Variants in DDX31 observed in about 807,000 individuals in gnomAD.
DDX31 encodes ATP-dependent DNA helicase DDX31.
In DDX31, 70 loss-of-function variants were observed where a neutral mutation model predicts 91.3. That is an observed-to-expected ratio of 0.77 (90% CI 0.63 to 0.94). The LOEUF (loss-of-function observed/expected upper bound fraction) is 0.94. Ranked by LOEUF, DDX31 falls within the 40% of genes least tolerant of loss-of-function variation. The probability of loss-of-function intolerance (pLI) is 0.00; values close to 1 mark genes in which losing one functional copy is unlikely to be tolerated. For missense variants in DDX31, 902 were observed against 925.0 expected, an observed-to-expected ratio of 0.98 and a Z score of 0.32; for synonymous variants, 362 against 350.6, an observed-to-expected ratio of 1.03 and a Z score of -0.36.
intron 13 of DDX31, among the ~76,000 whole-genome samples, chr9:132,642,386 C>G (rs915319953): frequency 6.6e-6 from 1 of 152,174 alleles, no homozygotes; most frequent in African/African-American, 2.4e-5. Flanking sequence ...GGGCTTCAAG[C>G]CTGCGTGCAA....
intron 16 of DDX31, among the ~76,000 whole-genome samples, chr9:132,629,293 CCT>C (rs1216563271): frequency 6.6e-6 from 1 of 152,212 alleles, no homozygotes; most frequent in African/African-American, 2.4e-5. Context: ...ATTTTGGCCC[CCT>C]GACATTACAA....
At chr9:132,648,967 T>C (rs1294907179) in intron 9 of DDX31, among the ~76,000 whole-genome samples, 1 of 152,228 alleles carries the variant, frequency 6.6e-6, no homozygotes, top group Non-Finnish European at 1.5e-5. Context: ...TTTTTTCTTA[T>C]GCTAAGCCCT....
rs984010170 is a variant in DDX31, at chr9:132,594,517, G to A, written c.*349C>T. 4 of 223,372 alleles carry A rather than the reference G, an allele frequency of 1.8e-5. No homozygotes were observed. The highest frequency in any genetic ancestry group is 4.5e-5 in the African/African-American group (2 of 44,174). The allele number at this position is 223,372 out of a possible 1,614,324, so 13.8% of individuals were successfully genotyped here. The stretch of plus-strand genomic sequence containing the variant: ...ACAGTTAAGGGCAGCAATCAAGCCC[G>A]TTCCAGGCTGACGCGCAGGGCGTTC... On this transcript the variant is annotated 3_prime_UTR_variant, in exon 20 of 20. Coordinates refer to ENST00000372159, the MANE Select transcript of DDX31 (RefSeq NM_022779.9).
intron 17 of DDX31, among the ~76,000 whole-genome samples, chr9:132,623,551 C>CAAAAAAAAAAAAAAAAAAAAAAAAAA (rs34868804): frequency 1.5e-5 from 1 of 66,724 alleles, no homozygotes; most frequent in African/African-American, 5.8e-5. Flanking sequence ...GACTCCATCT[C>CAAAAAAAAAAAAAAAAAAAAAAAAAA]AAAAAAAAAA....
chr9:132,653,377 C>T (rs1422408266), intron 6 of DDX31, among the ~76,000 whole-genome samples: 3 of 150,924 alleles, frequency 2.0e-5, no homozygotes, highest in Admixed American at 2.0e-4. Flanking sequence ...GCCTGTAATC[C>T]CAGCTCTTCG....
At chr9:132,631,808 A>G (rs1433323907) in intron 15 of DDX31, among the ~76,000 whole-genome samples, 1 of 152,144 alleles carries the variant, frequency 6.6e-6, no homozygotes, top group African/African-American at 2.4e-5. Context: ...GAAGCAGGAG[A>G]GCCTGCCACC....
intron 10 of DDX31, 47 bp from the exon 11 acceptor site, chr9:132,648,342 G>C: frequency 1.2e-6 from 2 of 1,606,502 alleles, no homozygotes; most frequent in East Asian, 4.5e-5. Flanking sequence ...ATGAAGAGCA[G>C]ATGTGGTCTA....
chr9:132,665,983 T>C (rs1032661281), intron 1 of DDX31, among the ~76,000 whole-genome samples: 1 of 152,220 alleles, frequency 6.6e-6, no homozygotes, highest in African/African-American at 2.4e-5. Context: ...CTGCATCCTC[T>C]TTGCTTTAGA....
chr9:132,647,780 A>G (rs751446209), intron 11 of DDX31, among the ~76,000 whole-genome samples: 10 of 152,180 alleles, frequency 6.6e-5, no homozygotes, highest in Non-Finnish European at 1.3e-4. Flanking sequence ...CTTCATTGAT[A>G]TATTTTTTAA....
chr9:132,629,292 C>A (rs1311718336), intron 16 of DDX31, among the ~76,000 whole-genome samples: 3 of 152,208 alleles, frequency 2.0e-5, no homozygotes, highest in South Asian at 2.1e-4. Context: ...TATTTTGGCC[C>A]CCTGACATTA....
intron 1 of DDX31, among the ~76,000 whole-genome samples, chr9:132,665,992 G>C (rs982447952): frequency 2.6e-5 from 4 of 152,206 alleles, no homozygotes; most frequent in East Asian, 3.8e-4. Context: ...CTTTGCTTTA[G>C]AAAACATGTG....
Position 132,595,865 on chromosome 9 carries a change from G to A in DDX31, c.1995-753C>T, listed in dbSNP as rs375425358. Among the ~76,000 whole-genome samples, 16 of 152,304 alleles carry A rather than the reference G, an allele frequency of 1.1e-4. 1 individual carries two copies. The highest frequency in any genetic ancestry group is 8.3e-4 in the South Asian group (4 of 4,824). On this transcript the variant is annotated intron_variant, in intron 19 of 19. Coordinates refer to ENST00000372159, the MANE Select transcript of DDX31 (RefSeq NM_022779.9). This position sits in a 1 kb window ranked among gnomAD's most constrained non-coding sequence, Gnocchi z 4.6. ...TTTCCGATGTCGAATCCTGATAACTGTTCTGAAAAGATGGCAATTTTACCA... is the reference window on the plus strand; with the variant it reads ...TTTCCGATGTCGAATCCTGATAACTATTCTGAAAAGATGGCAATTTTACCA...
intron 19 of DDX31, among the ~76,000 whole-genome samples, chr9:132,599,409 T>C (rs1315499901): frequency 1.3e-5 from 2 of 152,248 alleles, no homozygotes; most frequent in African/African-American, 4.8e-5. Flanking sequence ...TTAATATACA[T>C]AAATCTGTAT....
chr9:132,624,353 T>C (rs1196661773), intron 17 of DDX31, among the ~76,000 whole-genome samples: 1 of 152,170 alleles, frequency 6.6e-6, no homozygotes, highest in Non-Finnish European at 1.5e-5. Context: ...TATGAAGTAC[T>C]GACTTGCTTA....
rs780577537 is a variant in DDX31, at chr9:132,646,803, G to A, written c.1203+20C>T. ...GGCCTTTCTTCCCTGAATCAAGTCG[G>A]CTCTAGCCCACAGTCCCACCTTGCA... On this transcript the variant is annotated intron_variant, in intron 12 of 19. Transcript: ENST00000372159. 36 of 1,611,098 alleles carry A rather than the reference G, an allele frequency of 2.2e-5. No homozygotes were observed. Among genetic ancestry groups the A allele is most frequent in the Non-Finnish European group, 2.9e-5 (34 of 1,177,960 alleles).
chr9:132,623,659 C>G (rs962174338), intron 17 of DDX31, among the ~76,000 whole-genome samples: 2 of 151,810 alleles, frequency 1.3e-5, no homozygotes, highest in Admixed American at 1.3e-4. Flanking sequence ...CTTAGCCACT[C>G]TGCTACACTG....
intron 12 of DDX31, among the ~76,000 whole-genome samples, chr9:132,646,524 C>G (rs377319734): frequency 1.3e-5 from 2 of 152,136 alleles, no homozygotes; most frequent in South Asian, 4.1e-4. Context: ...TGAGCACAAG[C>G]CCCTACGTCT....
At chr9:132,655,949 A>G (rs957198945) in intron 6 of DDX31, among the ~76,000 whole-genome samples, 1 of 152,232 alleles carries the variant, frequency 6.6e-6, no homozygotes, top group African/African-American at 2.4e-5. Context: ...CAGGCTAGGA[A>G]TGGTAAATAT....
At chr9:132,637,905 T>C in intron 14 of DDX31, 1 of 992,616 alleles carries the variant, frequency 1.0e-6, no homozygotes, top group Non-Finnish European at 1.2e-6. Context: ...GAACTGACAT[T>C]GTGACTCTTC....
Sources: allele counts gnomAD v4.1 joint callset (sites outside exome capture counted in the v4.1 genomes callset), GRCh38; gene constraint gnomAD v4.1.1; non-coding constraint Gnocchi (gnomAD v3.1); transcripts MANE v1.5; gene names NCBI Gene and HGNC (gene_info 2026-07-23, HGNC 2026-07-21).